Variants in CMSS1 observed in about 807,000 individuals in gnomAD.
The protein encoded by CMSS1 is protein CMSS1.
Under a neutral mutation model 43.5 loss-of-function variants are expected in CMSS1, and 33 were observed. That is an observed-to-expected ratio of 0.76 (90% CI 0.57 to 1.01). The LOEUF (loss-of-function observed/expected upper bound fraction) is 1.01. Among genes scored for constraint, CMSS1 ranks in the 50% least tolerant of loss-of-function variants. The probability of loss-of-function intolerance (pLI) is 0.00; values close to 1 mark genes in which losing one functional copy is unlikely to be tolerated. For missense variants in CMSS1, 313 were observed against 326.4 expected, an observed-to-expected ratio of 0.96 and a Z score of 0.32; for synonymous variants, 115 against 117.2, an observed-to-expected ratio of 0.98 and a Z score of 0.12.
intron 1 of CMSS1, among the ~76,000 whole-genome samples, chr3:99,839,918 G>A (rs1393229023): frequency 6.6e-6 from 1 of 152,094 alleles, no homozygotes; most frequent in South Asian, 2.1e-4. Context: ...ATATAAGAGT[G>A]GAACTCTTAT....
chr3:100,178,355 CA>C lies in CMSS1; in HGVS notation c.809del (p.Lys270SerfsTer5), dbSNP rs748719431. The C allele has an allele frequency of 6.2e-7, 1 of 1,612,914 alleles. No homozygotes were observed. Among genetic ancestry groups the C allele is most frequent in the East Asian group, 2.2e-5 (1 of 44,836 alleles). The stretch of plus-strand genomic sequence containing the variant: ...TGGAAATGGGAGTGCTCAGTCTGTG[CA>C]AGTCAGAATCCTTGAAACTGGGCCT... ...LLEMGVLSLC[K>X]SESLKLGLF On this transcript the variant is annotated frameshift_variant, in exon 10 of 10. Coordinates refer to ENST00000421999, the MANE Select transcript of CMSS1 (RefSeq NM_032359.4). LOFTEE classifies it high-confidence loss of function.
rs780009633 is a variant in CMSS1, at chr3:100,045,348, A to G, written c.65-101625A>G. The stretch of plus-strand genomic sequence containing the variant: ...ATGTCTAGGAAAATCTCACAGCCTT[A>G]TTCTCTGAGTTAGCACTAATTGACA... On this transcript the variant is annotated intron_variant, in intron 1 of 9. Coordinates refer to ENST00000421999, the MANE Select transcript of CMSS1 (RefSeq NM_032359.4). Among the ~76,000 whole-genome samples, 13 of 152,252 alleles carry G rather than the reference A, an allele frequency of 8.5e-5. 1 individual carries two copies. Among genetic ancestry groups the G allele is most frequent in the Non-Finnish European group, 1.5e-5 (1 of 68,032 alleles).
chr3:100,144,280 G>A (rs1235129895), intron 1 of CMSS1, among the ~76,000 whole-genome samples: 1 of 152,164 alleles, frequency 6.6e-6, no homozygotes, highest in Non-Finnish European at 1.5e-5. Flanking sequence ...GAAACTATTA[G>A]TGTGGATTTG....
chr3:99,822,153 A>C (rs769808451), intron 1 of CMSS1, among the ~76,000 whole-genome samples: 6 of 152,220 alleles, frequency 3.9e-5, no homozygotes, highest in Non-Finnish European at 5.9e-5. Context: ...TAAATTACCA[A>C]GTCGAGTACC....
intron 1 of CMSS1, among the ~76,000 whole-genome samples, chr3:99,888,897 T>A (rs1009615370): frequency 6.6e-6 from 1 of 152,186 alleles, no homozygotes; most frequent in East Asian, 1.9e-4. Context: ...TGTTTAGAAT[T>A]GTGCTTCTTA....
chr3:100,037,056 G>C (rs1407090228), intron 1 of CMSS1, among the ~76,000 whole-genome samples: 2 of 152,150 alleles, frequency 1.3e-5, no homozygotes, highest in African/African-American at 4.8e-5. Context: ...AAATGTGTGG[G>C]TTCTTTCATT....
At chr3:100,149,316 A>C (rs1335098386) in intron 2 of CMSS1, among the ~76,000 whole-genome samples, 1 of 152,170 alleles carries the variant, frequency 6.6e-6, no homozygotes, top group Non-Finnish European at 1.5e-5. Flanking sequence ...GTCATGGCCC[A>C]TCTGCTTGGC....
At chr3:99,824,315 G>C (rs1478863536) in intron 1 of CMSS1, among the ~76,000 whole-genome samples, 1 of 152,102 alleles carries the variant, frequency 6.6e-6, no homozygotes, top group Non-Finnish European at 1.5e-5. Context: ...CTATCTAGGT[G>C]CTCTATTACA....
At chr3:100,022,672 C>G (rs1559728999) in intron 1 of CMSS1, among the ~76,000 whole-genome samples, 1 of 152,200 alleles carries the variant, frequency 6.6e-6, no homozygotes, top group African/African-American at 2.4e-5. Context: ...TCCATTCTGC[C>G]TGACTCAGCT....
chr3:99,887,845 C>T (rs1383922068), intron 1 of CMSS1, among the ~76,000 whole-genome samples: 1 of 152,038 alleles, frequency 6.6e-6, no homozygotes, highest in Admixed American at 6.6e-5. Context: ...ATTCATACTC[C>T]CTACTCCCAC....
intron 1 of CMSS1, among the ~76,000 whole-genome samples, chr3:100,026,333 G>A (rs932721814): frequency 1.3e-5 from 2 of 152,108 alleles, no homozygotes; most frequent in African/African-American, 4.8e-5. Context: ...CAAGCTGTCT[G>A]CAGGAAACAG....
intron 1 of CMSS1, among the ~76,000 whole-genome samples, chr3:100,145,783 A>T (rs2107512058): frequency 6.6e-6 from 1 of 152,360 alleles, no homozygotes; most frequent in Admixed American, 6.5e-5. Flanking sequence ...CAGTGCTTTT[A>T]TTTCAACCAA....
At chr3:100,074,516 T>G (rs2065815130) in intron 1 of CMSS1, among the ~76,000 whole-genome samples, 1 of 152,046 alleles carries the variant, frequency 6.6e-6, no homozygotes, top group East Asian at 1.9e-4. Flanking sequence ...TTTTGCAAAT[T>G]TATTCTATAG....
rs374540724 is a variant in CMSS1 at position 99,951,975 on chromosome 3, G to A, written c.64+133932G>A. ...AGAGAACCTATAAGTAAGTCAATCT[G>A]CAAGAATACCTGCCCCCACACCCTT... On this transcript the variant is annotated intron_variant, in intron 1 of 9. Coordinates refer to ENST00000421999, the MANE Select transcript of CMSS1 (RefSeq NM_032359.4). Among the ~76,000 whole-genome samples the A allele has an allele frequency of 2.1e-4, 32 of 152,288 alleles. No individual in the cohort carries two copies. In the East Asian group the frequency reaches 4.6e-3, roughly 22 times the overall value.
rs1476214396 is a variant in CMSS1 at position 99,817,926 on chromosome 3, C to T, written c.-54C>T. The T allele has an allele frequency of 6.3e-7, 1 of 1,583,082 alleles. No homozygotes were observed. The highest frequency in any genetic ancestry group is 8.7e-7 in the Non-Finnish European group (1 of 1,153,110). On this transcript the variant is annotated 5_prime_UTR_variant, in exon 1 of 10. Transcript: ENST00000421999. ...CCTGGCTTTGAGACAACGTGATTCT[C>T]CGCAGCTGGTCGCCTACCCGTGATG...
Position 100,023,164 on chromosome 3 carries a change from A to G in CMSS1, c.65-123809A>G, listed in dbSNP as rs560305762. Among the ~76,000 whole-genome samples, 5 of 152,342 alleles carry G rather than the reference A, an allele frequency of 3.3e-5. No individual in the cohort carries two copies. In the East Asian group the frequency reaches 7.7e-4, roughly 24 times the overall value. On this transcript the variant is annotated intron_variant, in intron 1 of 9. Coordinates refer to ENST00000421999, the MANE Select transcript of CMSS1 (RefSeq NM_032359.4). Reference sequence around the variant, plus strand: ...TATGTGCTACCTTCTGGCCCAGACCAGGTGGCTGGGTGTAGATGGACGTTG... The same window carrying G: ...TATGTGCTACCTTCTGGCCCAGACCGGGTGGCTGGGTGTAGATGGACGTTG...
intron 1 of CMSS1, among the ~76,000 whole-genome samples, chr3:100,081,483 C>A (rs2065931033): frequency 6.6e-6 from 1 of 152,180 alleles, no homozygotes; most frequent in South Asian, 2.1e-4. Flanking sequence ...CAACCCTTAT[C>A]TTCCATGTAT....
At chr3:99,883,321 C>T (rs748966416) in intron 1 of CMSS1, among the ~76,000 whole-genome samples, 6 of 152,164 alleles carry the variant, frequency 3.9e-5, no homozygotes, top group Non-Finnish European at 7.3e-5. Flanking sequence ...TGAATAAATG[C>T]GTTGCTTTGA....
At chr3:100,065,814 A>T (rs1403062864) in intron 1 of CMSS1, among the ~76,000 whole-genome samples, 3 of 152,198 alleles carry the variant, frequency 2.0e-5, no homozygotes, top group Non-Finnish European at 4.4e-5. Flanking sequence ...ATTCAATTCC[A>T]TCAATAAATG....
Sources: gnomAD v4.1 joint callset for allele counts (sites outside exome capture counted in the v4.1 genomes callset) on GRCh38, gnomAD v4.1.1 for gene constraint, MANE v1.5 for transcripts, NCBI Gene and HGNC (gene_info 2026-07-23, HGNC 2026-07-21) for gene names.